Variants in UTS2B observed in about 807,000 individuals in gnomAD.
UTS2B encodes urotensin 2B, also known as urotensin-2B.
A neutral mutation model predicts 19.2 loss-of-function variants in UTS2B; 21 were observed. The observed-to-expected ratio is 1.09, with a 90% confidence interval of 0.78 to 1.58. The LOEUF is 1.58. UTS2B is among the 40% of genes most tolerant of loss of function. The pLI is 0.00. For missense variants in UTS2B, 138 were observed against 130.3 expected, an observed-to-expected ratio of 1.06 and a Z score of -0.29; for synonymous variants, 57 against 50.2, an observed-to-expected ratio of 1.14 and a Z score of -0.58.
At chr3:191,318,504 T>C (rs1178976486) in intron 2 of UTS2B, among the ~76,000 whole-genome samples, 1 of 152,220 alleles carries the variant, frequency 6.6e-6, no homozygotes, top group Non-Finnish European at 1.5e-5. Context: ...AATCTCACTC[T>C]GTCACCCAGG....
intron 2 of UTS2B, among the ~76,000 whole-genome samples, chr3:191,322,824 A>T (rs971363478): frequency 2.0e-5 from 3 of 152,234 alleles, no homozygotes; most frequent in African/African-American, 7.2e-5. Context: ...AGATACTAAC[A>T]TACTTTCAGG....
chr3:191,298,196 C>T (rs1343836481), intron 4 of UTS2B, among the ~76,000 whole-genome samples: 2 of 152,010 alleles, frequency 1.3e-5, no homozygotes, highest in African/African-American at 4.8e-5. Flanking sequence ...ATAATAGACC[C>T]ACAATAACCT....
the UTS2B span, among the ~76,000 whole-genome samples, chr3:191,337,827 AC>A: frequency 2.6e-5 from 4 of 151,374 alleles, no homozygotes; most frequent in East Asian, 1.9e-4. Flanking sequence ...ATGTTTCCTT[AC>A]GTTTTTTTTT....
intron 4 of UTS2B, among the ~76,000 whole-genome samples, chr3:191,291,851 A>G (rs1215705656): frequency 6.6e-6 from 1 of 152,050 alleles, no homozygotes; most frequent in Non-Finnish European, 1.5e-5. Context: ...GTCTCACCAC[A>G]TTTGTTTAGA....
At chr3:191,345,209 G>C in the UTS2B span, among the ~76,000 whole-genome samples, 1 of 152,156 alleles carries the variant, frequency 6.6e-6, no homozygotes, top group Non-Finnish European at 1.5e-5. Context: ...TTCTTGGGTA[G>C]CTTCTGTTTT....
intron 2 of UTS2B, among the ~76,000 whole-genome samples, chr3:191,325,843 G>A (rs1156374932): frequency 6.6e-6 from 1 of 152,188 alleles, no homozygotes; most frequent in African/African-American, 2.4e-5. Context: ...CAAATGTTCT[G>A]ACACCTTGCT....
intron 8 of UTS2B, among the ~76,000 whole-genome samples, chr3:191,270,369 T>A (rs563125275): frequency 6.6e-6 from 1 of 152,230 alleles, no homozygotes; most frequent in Admixed American, 6.5e-5. Flanking sequence ...GCTAATTTTT[T>A]AAATTTGTTG....
chr3:191,287,098 G>T (rs1010055852), intron 4 of UTS2B, among the ~76,000 whole-genome samples: 3 of 152,092 alleles, frequency 2.0e-5, no homozygotes, highest in Non-Finnish European at 4.4e-5. Context: ...TGAGTAAAGA[G>T]ATTGGATTGG....
intron 1 of UTS2B, chr3:191,329,723 G>A (rs1338324430): frequency 6.2e-7 from 1 of 1,609,648 alleles, no homozygotes; most frequent in Non-Finnish European, 8.5e-7. Flanking sequence ...AGTCAAGGAA[G>A]GTAAGGGCCC....
chr3:191,339,309 T>C, the UTS2B span, among the ~76,000 whole-genome samples: 1 of 152,216 alleles, frequency 6.6e-6, no homozygotes, highest in Non-Finnish European at 1.5e-5. Context: ...TGGTTAAAAA[T>C]ATGCAGTGCT....
chr3:191,290,391 T>C (rs769499765), intron 4 of UTS2B, among the ~76,000 whole-genome samples: 4 of 152,218 alleles, frequency 2.6e-5, no homozygotes, highest in Admixed American at 1.3e-4. Context: ...TGCCAGGCCC[T>C]GTACTAAGCA....
the UTS2B span, among the ~76,000 whole-genome samples, chr3:191,339,184 G>C: frequency 6.6e-6 from 1 of 152,160 alleles, no homozygotes; most frequent in African/African-American, 2.4e-5. Context: ...AAAGAGGAGA[G>C]AGCATGAGCA....
At chr3:191,300,275 G>T (rs1419889428) in intron 4 of UTS2B, among the ~76,000 whole-genome samples, 1 of 151,676 alleles carries the variant, frequency 6.6e-6, no homozygotes, top group African/African-American at 2.4e-5. Flanking sequence ...GTCTCAAACT[G>T]CTGACCTCAT....
At chr3:191,294,968 T>C (rs1200871737) in intron 4 of UTS2B, among the ~76,000 whole-genome samples, 3 of 151,922 alleles carry the variant, frequency 2.0e-5, no homozygotes, top group Admixed American at 6.5e-5. Flanking sequence ...GAGATTGAGC[T>C]TCCAGTGAGC....
intron 2 of UTS2B, among the ~76,000 whole-genome samples, chr3:191,325,485 G>C (rs1197198751): frequency 6.6e-6 from 1 of 152,164 alleles, no homozygotes; most frequent in African/African-American, 2.4e-5. Flanking sequence ...TTACAAAGGA[G>C]ATATGGGGAA....
intron 5 of UTS2B, among the ~76,000 whole-genome samples, chr3:191,281,451 T>C (rs942056702): frequency 2.6e-5 from 4 of 151,956 alleles, no homozygotes; most frequent in African/African-American, 7.2e-5. Context: ...ATAAAAATTA[T>C]GTAAATTATA....
the UTS2B span, among the ~76,000 whole-genome samples, chr3:191,343,546 G>A: frequency 6.6e-6 from 1 of 152,170 alleles, no homozygotes; most frequent in Admixed American, 6.5e-5. Flanking sequence ...CAGCAGAAGT[G>A]CTTCCTTTTT....
At chr3:191,301,175 A>C (rs2108594100) in intron 4 of UTS2B, among the ~76,000 whole-genome samples, 1 of 152,270 alleles carries the variant, frequency 6.6e-6, no homozygotes, top group South Asian at 2.1e-4. Flanking sequence ...GGTGAAACAG[A>C]TTCAAGAATT....
chr3:191,280,880 C>A (rs1187497506), intron 5 of UTS2B, among the ~76,000 whole-genome samples: 1 of 152,082 alleles, frequency 6.6e-6, no homozygotes, highest in Non-Finnish European at 1.5e-5. Context: ...CGTAGACCTA[C>A]CAAATGCAAT....
Sources: gnomAD v4.1 joint callset for allele counts (sites outside exome capture counted in the v4.1 genomes callset) on GRCh38, gnomAD v4.1.1 for gene constraint, MANE v1.5 for transcripts, NCBI Gene and HGNC (gene_info 2026-07-23, HGNC 2026-07-21) for gene names.